Variants in SLC28A3 observed in about 807,000 individuals in gnomAD.
SLC28A3 encodes the protein solute carrier family 28 member 3.
In SLC28A3, 68 loss-of-function variants were observed where a neutral mutation model predicts 84.2. The observed-to-expected ratio is 0.81, with a 90% CI of 0.66 to 0.99. The LOEUF (loss-of-function observed/expected upper bound fraction) is 0.99, where lower values mean the gene tolerates loss of function less well. Ranked by LOEUF, SLC28A3 falls within the 50% of genes least tolerant of loss-of-function variation. The pLI, the probability that SLC28A3 is intolerant of heterozygous loss-of-function variation, is 0.00. For missense variants in SLC28A3, 712 were observed against 841.5 expected, an observed-to-expected ratio of 0.85 and a Z score of 1.90; for synonymous variants, 267 against 303.6, an observed-to-expected ratio of 0.88 and a Z score of 1.25.
chr9:84,365,676 G>T, the SLC28A3 span, among the ~76,000 whole-genome samples: 1 of 152,148 alleles, frequency 6.6e-6, no homozygotes, highest in African/African-American at 2.4e-5. Context: ...GGGAGAGATA[G>T]GGTTCTAGTT....
At chr9:84,295,454 A>G (rs912289219) in intron 8 of SLC28A3, among the ~76,000 whole-genome samples, 2 of 152,064 alleles carry the variant, frequency 1.3e-5, no homozygotes, top group African/African-American at 2.4e-5. Flanking sequence ...GCGTGGTGGC[A>G]CACTCATGTA....
upstream of SLC28A3, among the ~76,000 whole-genome samples, chr9:84,345,721 A>G (rs1827239169): frequency 6.6e-6 from 1 of 152,210 alleles, no homozygotes; most frequent in Non-Finnish European, 1.5e-5. Context: ...AGTAAATTGT[A>G]TATACAACCA....
At chr9:84,308,135 C>T (rs911050414) in intron 3 of SLC28A3, among the ~76,000 whole-genome samples, 15 of 152,046 alleles carry the variant, frequency 9.9e-5, no homozygotes, top group African/African-American at 3.6e-4. Flanking sequence ...CAGCTACTTG[C>T]GAGGCTGAGG....
chr9:84,289,497 A>T (rs1363896801), intron 11 of SLC28A3, among the ~76,000 whole-genome samples: 1 of 152,234 alleles, frequency 6.6e-6, no homozygotes, highest in Non-Finnish European at 1.5e-5. Context: ...AGAATCTGAG[A>T]GTTTTAAAAA....
At chr9:84,328,973 T>C (rs1249073287) in intron 1 of SLC28A3, among the ~76,000 whole-genome samples, 2 of 152,044 alleles carry the variant, frequency 1.3e-5, no homozygotes, top group Non-Finnish European at 2.9e-5. Flanking sequence ...ATGATCCAAA[T>C]ATATGCTGTC....
At chr9:84,315,627 C>A (rs1387332531) in intron 1 of SLC28A3, among the ~76,000 whole-genome samples, 5 of 152,116 alleles carry the variant, frequency 3.3e-5, no homozygotes, top group African/African-American at 1.2e-4. Flanking sequence ...CTTATTTGGC[C>A]CCCAACAGAG....
chr9:84,359,932 T>G, the SLC28A3 span, among the ~76,000 whole-genome samples: 1 of 136,404 alleles, frequency 7.3e-6, no homozygotes. Context: ...GCCAGGAGAG[T>G]GGAGGTTTGC....
At chr9:84,352,909 A>C in the SLC28A3 span, among the ~76,000 whole-genome samples, 2 of 151,316 alleles carry the variant, frequency 1.3e-5, no homozygotes, top group African/African-American at 4.9e-5. Flanking sequence ...AAAAAAAAAA[A>C]AAAAAACCTT....
rs1366588068 is a variant in SLC28A3 at position 84,340,743 on chromosome 9, C to G, written c.-110G>C. The G allele has an allele frequency of 8.2e-7, 1 of 1,226,654 alleles. No individual in the cohort carries two copies. Among genetic ancestry groups the G allele is most frequent in the South Asian group, 1.3e-5 (1 of 77,850 alleles). The allele number at this position is 1,226,654 out of a possible 1,614,324, so 76.0% of individuals were successfully genotyped here. A position where few individuals can be genotyped will look rare whatever the true frequency, so the allele number is the denominator to read the frequency against. ...ACCTGCTGTTACAGGGACCTGGGCA[C>G]AGCTTGCTTCAGTTTGGAAACTTCT... On this transcript the variant is annotated 5_prime_UTR_variant, in exon 1 of 18. Coordinates refer to ENST00000376238, the MANE Select transcript of SLC28A3 (RefSeq NM_001199633.2).
chr9:84,347,721 T>G, the SLC28A3 span, among the ~76,000 whole-genome samples: 3 of 152,160 alleles, frequency 2.0e-5, no homozygotes, highest in African/African-American at 7.2e-5. Flanking sequence ...GCTGCTATAT[T>G]GATTCCACCA....
intron 1 of SLC28A3, among the ~76,000 whole-genome samples, chr9:84,320,215 CA>C (rs1826331024): frequency 2.1e-5 from 3 of 139,716 alleles, no homozygotes; most frequent in African/African-American, 8.0e-5. Flanking sequence ...ACACCCTGCT[CA>C]TTTTTTTTTT....
intron 1 of SLC28A3, among the ~76,000 whole-genome samples, chr9:84,339,287 T>C (rs1827080598): frequency 6.6e-6 from 1 of 152,172 alleles, no homozygotes; most frequent in Non-Finnish European, 1.5e-5. Flanking sequence ...TCTCCCTCTG[T>C]CAACCAGGCT....
At chr9:84,356,647 T>C in the SLC28A3 span, among the ~76,000 whole-genome samples, 100 of 152,218 alleles carry the variant, frequency 6.6e-4, no homozygotes, top group African/African-American at 2.3e-3. Context: ...CAGGCCAATA[T>C]GGTGAAACCC....
chr9:84,359,184 TTC>T, the SLC28A3 span, among the ~76,000 whole-genome samples: 103 of 152,328 alleles, frequency 6.8e-4, no homozygotes, highest in South Asian at 4.1e-3. Flanking sequence ...AGATTTACTC[TTC>T]TGTTATGGAG....
the SLC28A3 span, among the ~76,000 whole-genome samples, chr9:84,349,605 C>T: frequency 6.6e-6 from 1 of 152,284 alleles, no homozygotes; most frequent in East Asian, 1.9e-4. Flanking sequence ...ACTAAGACAG[C>T]ATCCATACAC....
chr9:84,289,509 T>C (rs1338371487), intron 11 of SLC28A3, among the ~76,000 whole-genome samples: 1 of 152,174 alleles, frequency 6.6e-6, no homozygotes, highest in Non-Finnish European at 1.5e-5. Flanking sequence ...TTTTAAAAAA[T>C]ATTGATGGCT....
At chr9:84,335,217 T>C (rs1198899642) in intron 1 of SLC28A3, among the ~76,000 whole-genome samples, 1 of 152,204 alleles carries the variant, frequency 6.6e-6, no homozygotes, top group East Asian at 1.9e-4. Context: ...ACTCTCTTTT[T>C]TGCTCTAACT....
intron 5 of SLC28A3, among the ~76,000 whole-genome samples, chr9:84,300,038 C>T (rs765562181): frequency 7.9e-5 from 12 of 152,124 alleles, no homozygotes; most frequent in Non-Finnish European, 1.5e-4. Flanking sequence ...GGCGATTGCC[C>T]GCCTCGGCCT....
upstream of SLC28A3, among the ~76,000 whole-genome samples, chr9:84,345,042 C>G (rs1169595805): frequency 6.6e-6 from 1 of 152,012 alleles, no homozygotes; most frequent in Non-Finnish European, 1.5e-5. Context: ...ATCGACATAC[C>G]CATTTAGAAA....
Sources: allele counts gnomAD v4.1 joint callset (sites outside exome capture counted in the v4.1 genomes callset), GRCh38; gene constraint gnomAD v4.1.1; transcripts MANE v1.5; gene names NCBI Gene and HGNC (gene_info 2026-07-23, HGNC 2026-07-21).